HGFAC: variants seen among roughly 807,000 people sequenced by gnomAD.
HGFAC encodes the protein HGF activator.
Under a neutral mutation model 70.6 loss-of-function variants are expected in HGFAC, and 76 were observed. The ratio of observed to expected loss-of-function variants is 1.08; its 90% confidence interval spans 0.89 to 1.30. HGFAC has a LOEUF of 1.30. HGFAC is among the 50% of genes most tolerant of loss of function. The pLI is 0.00. For missense variants in HGFAC, 1,044 were observed against 933.7 expected (o/e 1.12, Z -1.54); for synonymous variants, 464 against 405.3 (o/e 1.14, Z -1.74).
Position 3,444,618 on chromosome 4 carries a change from C to G in HGFAC, c.731-5C>G, listed in dbSNP as rs1725432132. 3 of 1,589,234 alleles carry G rather than the reference C, an allele frequency of 1.9e-6. No individual in the cohort carries two copies. The highest frequency in any genetic ancestry group is 2.6e-6 in the Non-Finnish European group (3 of 1,173,644). ...CCTGGCCCAGCTCCTCGGCCCTGCC[C>G]CCAGCTTGTCTGAGCAGCCCTTGCC... On this transcript the variant is annotated splice_region_variant and splice_polypyrimidine_tract_variant and intron_variant, in intron 6 of 13. Transcript: ENST00000382774.
intron 13 of HGFAC, among the ~76,000 whole-genome samples, chr4:3,448,682 C>T (rs928900653): frequency 4.6e-5 from 7 of 152,248 alleles, no homozygotes; most frequent in South Asian, 2.1e-4. Context: ...AGCCCAACCA[C>T]GTCCTGGGCT....
rs534396251 is a variant in HGFAC, at chr4:3,444,085, C to A, written c.522C>A (p.Ser174=). 5.9e-5 allele frequency: 95 copies of A among 1,611,994 alleles called. No homozygotes were observed. The Middle Eastern group carries it at 1.2e-3, about 20-fold the overall frequency. ...CASGPCLNGG[S]CSNTQDPQSY... ...CCGGCCCCTGCCTCAATGGAGGCTC[C>A]TGCTCCAATACCCAGGACCCCCAGT... Residue 174 remains serine (S), a synonymous_variant, in exon 5 of 14, where the codon TCC becomes TCA. Transcript: ENST00000382774.
At position 3,443,350 on chromosome 4, in the gene HGFAC, A is replaced by G; in HGVS notation, c.405A>G (p.Thr135=). 6.5e-7 allele frequency: 1 copy of G among 1,541,800 alleles called. No homozygotes were observed. Among genetic ancestry groups the G allele is most frequent in the Non-Finnish European group, 8.8e-7 (1 of 1,142,814 alleles). ...AGGTGTCGCCCCCCAGGTGTGCCAC[A>G]ACTCACAACTACGACCGGGACAGGG... ...EGSAHRKWCA[T]THNYDRDRAW... Residue 135 remains threonine, a synonymous_variant, in exon 4 of 14, where the codon ACA becomes ACG. Coordinates refer to ENST00000382774, the MANE Select transcript of HGFAC (RefSeq NM_001528.4).
chr4:3,441,044 C>T (rs924302213), upstream of HGFAC, among the ~76,000 whole-genome samples: 3 of 152,116 alleles, frequency 2.0e-5, no homozygotes, highest in Admixed American at 6.5e-5. The surrounding 1 kb of genome is among the most constrained non-coding windows in gnomAD (Gnocchi z 6.0). Context: ...CTCGGCAGCC[C>T]TGGGATGTCG....
At position 3,447,177 on chromosome 4, in the gene HGFAC, G is replaced by A. The variant is rs1205082256; in HGVS notation, c.1356-315G>A. Among the ~76,000 whole-genome samples the A allele has an allele frequency of 2.6e-5, 4 of 152,282 alleles. 1 individual carries two copies. Among genetic ancestry groups the A allele is most frequent in the South Asian group, 4.1e-4 (2 of 4,822 alleles). On this transcript the variant is annotated intron_variant, in intron 10 of 13. Coordinates refer to ENST00000382774, the MANE Select transcript of HGFAC (RefSeq NM_001528.4). ...GAGCAGGCCAGGTCTCCACCCACTC[G>A]GGTCGGCCTTGCAGCCGATCCTGCC... is the stretch of plus-strand genomic sequence containing the variant.
rs1178087932 is a variant in HGFAC at position 3,448,190 on chromosome 4, T to C, written c.1699T>C (p.Cys567Arg). The change falls in exon 13 of 14, where the codon TGC (cysteine) becomes CGC (arginine). Residue 567 changes from cysteine (C) to arginine (R), a missense_variant. Transcript: ENST00000382774. ...GGTCCCCCTGGTCGCCGACCACAAGTGCAGCAGCCCTGAGGTCTACGGCGC... is the reference window on the plus strand; with the variant it reads ...GGTCCCCCTGGTCGCCGACCACAAGCGCAGCAGCCCTGAGGTCTACGGCGC... The part of the protein sequence containing the change: ...ALVPLVADHK[C>R]SSPEVYGADI... The C allele has an allele frequency of 1.2e-6, 2 of 1,605,456 alleles. No individual in the cohort carries two copies. The highest frequency in any genetic ancestry group is 2.7e-5 in the African/African-American group (2 of 74,810).
rs2109299528 is a variant in HGFAC at position 3,446,118 on chromosome 4, C to G, written c.1179C>G (p.Ala393=). ...LPEPASPGRQ[A]CGRRHKKRTF... is the part of the protein sequence containing the mutation. Reference sequence around the variant, plus strand: ...AGCCAGCCTCCCCGGGGCGCCAGGCCTGCGGCAGGAGGCACAAGAAGAGGA... The same window carrying G: ...AGCCAGCCTCCCCGGGGCGCCAGGCGTGCGGCAGGAGGCACAAGAAGAGGA... The change falls in exon 10 of 14, where the codon GCC becomes GCG. Residue 393 remains alanine, a synonymous_variant. Coordinates refer to ENST00000382774, the MANE Select transcript of HGFAC (RefSeq NM_001528.4). 1.9e-6 allele frequency: 3 copies of G among 1,611,328 alleles called. No individual in the cohort carries two copies. Among genetic ancestry groups the G allele is most frequent in the East Asian group, 4.5e-5 (2 of 44,842 alleles).
rs1725381421 is a variant in HGFAC at position 3,443,390 on chromosome 4, G to T, written c.445G>T (p.Val149Leu). ...CCGGGACAGGGCCTGGGGCTACTGTGTGGAGGCCACCCCGCCTCCAGGGGG... is the reference window on the plus strand; with the variant it reads ...CCGGGACAGGGCCTGGGGCTACTGTTTGGAGGCCACCCCGCCTCCAGGGGG... Reference protein sequence around the residue: ...YDRDRAWGYCVEATPPPGGPA... With the variant: ...YDRDRAWGYCLEATPPPGGPA... The change falls in exon 4 of 14, where the codon GTG becomes TTG. Residue 149 changes from valine to leucine, a missense_variant. Transcript: ENST00000382774. 5 of 1,500,968 alleles carry T rather than the reference G, an allele frequency of 3.3e-6. No individual in the cohort carries two copies. Among genetic ancestry groups the T allele is most frequent in the Middle Eastern group, 1.7e-4 (1 of 5,748 alleles). The allele number at this position is 1,500,968 out of a possible 1,614,324, so 93.0% of individuals were successfully genotyped here. A position where few individuals can be genotyped will look rare whatever the true frequency, so the allele number is the denominator to read the frequency against.
chr4:3,441,123 C>G (rs374611527), upstream of HGFAC, among the ~76,000 whole-genome samples: 2 of 152,286 alleles, frequency 1.3e-5, no homozygotes, highest in South Asian at 2.1e-4. The surrounding 1 kb of genome is among the most constrained non-coding windows in gnomAD (Gnocchi z 6.0). Context: ...GTTCCTCAGG[C>G]AGCTCTGCCC....
At chr4:3,448,598 G>A (rs1350193521) in intron 13 of HGFAC, among the ~76,000 whole-genome samples, 1 of 152,218 alleles carries the variant, frequency 6.6e-6, no homozygotes, top group East Asian at 1.9e-4. Flanking sequence ...GGCACCAAAG[G>A]CCCCTTTGCC....
chr4:3,444,674 C>A lies in HGFAC; in HGVS notation c.782C>A (p.Ala261Asp). 1 of 1,597,744 alleles carries A rather than the reference C, an allele frequency of 6.3e-7. No individual in the cohort carries two copies. Among genetic ancestry groups the A allele is most frequent in the Non-Finnish European group, 8.5e-7 (1 of 1,178,550 alleles). ...LNGGTCHLIV[A>D]TGTTVCACPP... is the part of the protein sequence containing the mutation. Reference sequence around the variant, plus strand: ...GGGGGCACCTGCCACCTGATCGTGGCCACCGGGACCACCGTGTGTGCCTGC... The same window carrying A: ...GGGGGCACCTGCCACCTGATCGTGGACACCGGGACCACCGTGTGTGCCTGC... Residue 261 changes from alanine (A) to aspartate (D), a missense_variant, in exon 7 of 14, where the codon GCC (alanine) becomes GAC (aspartate). Physicochemically the swap from Ala to Asp is moderately radical, Grantham distance 126 (BLOSUM62 -2). Transcript: ENST00000382774.
intron 10 of HGFAC, among the ~76,000 whole-genome samples, chr4:3,447,286 A>T (rs1315937940): frequency 6.6e-6 from 1 of 152,154 alleles, no homozygotes; most frequent in African/African-American, 2.4e-5. Flanking sequence ...CCATGCCTGG[A>T]TCTGGGGGTG....
intron 8 of HGFAC, 117 bp downstream of exon 8, chr4:3,445,110 G>T: frequency 7.4e-7 from 1 of 1,349,000 alleles, no homozygotes; most frequent in Non-Finnish European, 1.0e-6. Flanking sequence ...ACAGGCCCCG[G>T]AACCTCTGCC....
Position 3,445,265 on chromosome 4 carries a change from G to A in HGFAC, c.1017G>A (p.Arg339=), listed in dbSNP as rs1412208616. The A allele has an allele frequency of 1.3e-6, 2 of 1,573,586 alleles. No homozygotes were observed. The highest frequency in any genetic ancestry group is 1.2e-5 in the South Asian group (1 of 85,542). ...LLGLGPHAYC[R]NPDNDERPWC... ...GCCAGCCCCCACTTATGCACCGCAG[G>A]AATCCGGACAATGACGAGAGGCCCT... Residue 339 remains arginine, a splice_region_variant and synonymous_variant, in exon 9 of 14, where the codon CGG becomes CGA. Transcript: ENST00000382774.
chr4:3,448,431 C>T (rs914664682), intron 13 of HGFAC, among the ~76,000 whole-genome samples, 155 bp downstream of exon 13: 7 of 152,104 alleles, frequency 4.6e-5, no homozygotes, highest in African/African-American at 7.2e-5. Context: ...CACTTACTGT[C>T]GGTGGCCAGC....
chr4:3,444,617 C>T lies in HGFAC; in HGVS notation c.731-6C>T, dbSNP rs1412111033. 6.3e-7 allele frequency: 1 copy of T among 1,588,478 alleles called. No individual in the cohort carries two copies. Among genetic ancestry groups the T allele is most frequent in the Non-Finnish European group, 8.5e-7 (1 of 1,173,054 alleles). On this transcript the variant is annotated splice_region_variant and splice_polypyrimidine_tract_variant and intron_variant, in intron 6 of 13. Transcript: ENST00000382774. The stretch of plus-strand genomic sequence containing the variant: ...CCCTGGCCCAGCTCCTCGGCCCTGC[C>T]CCCAGCTTGTCTGAGCAGCCCTTGC...
chr4:3,447,357 G>C, intron 10 of HGFAC, 135 bp from the exon 11 acceptor site: 1 of 887,044 alleles, frequency 1.1e-6, no homozygotes, highest in Non-Finnish European at 1.7e-6. Flanking sequence ...CCACACCCAG[G>C]CACCTGCTCA....
At chr4:3,441,952 TG>T (rs745683652), upstream of HGFAC, 1 of 1,112,426 alleles carries the variant, frequency 9.0e-7, no homozygotes, top group Admixed American at 3.0e-5. This position sits in a 1 kb window ranked among gnomAD's most constrained non-coding sequence, Gnocchi z 6.0. Context: ...CCACCTGCCT[TG>T]GCCGCTCTGC....
rs909661216 is a variant in HGFAC at position 3,446,188 on chromosome 4, G to A, written c.1249G>A (p.Gly417Ser). The A allele has an allele frequency of 1.4e-5, 23 of 1,610,914 alleles. 1 individual carries two copies. Among genetic ancestry groups the A allele is most frequent in the South Asian group, 4.4e-5 (4 of 90,776 alleles). ...RIIGGSSSLP[G>S]SHPWLAAIYI... ...CATCGGCGGCTCCTCCTCGCTGCCC[G>A]GCTCGCACCCCTGGCTGGCCGCCAT... The change falls in exon 10 of 14, where the codon GGC (glycine) becomes AGC (serine). Residue 417 changes from glycine to serine, a missense_variant. Transcript: ENST00000382774.
Sources: allele counts gnomAD v4.1 joint callset (sites outside exome capture counted in the v4.1 genomes callset), GRCh38; gene constraint gnomAD v4.1.1; non-coding constraint Gnocchi (gnomAD v3.1); transcripts MANE v1.5; gene names NCBI Gene and HGNC (gene_info 2026-07-23, HGNC 2026-07-21).